UNC13B: variants seen among roughly 807,000 people sequenced by gnomAD.
UNC13B encodes the protein protein unc-13 homolog B.
A neutral mutation model predicts 211.0 loss-of-function variants in UNC13B; 144 were observed. The ratio of observed to expected loss-of-function variants is 0.68; its 90% confidence interval spans 0.60 to 0.78. UNC13B has a LOEUF of 0.78. Ranked by LOEUF, UNC13B falls within the 30% of genes least tolerant of loss-of-function variation. The probability of loss-of-function intolerance (pLI) is 0.00; values close to 1 mark genes in which losing one functional copy is unlikely to be tolerated. For missense variants in UNC13B, 1,777 were observed against 2,002.0 expected (o/e 0.89, Z 2.14); for synonymous variants, 709 against 725.8 (o/e 0.98, Z 0.37).
intron 1 of UNC13B, among the ~76,000 whole-genome samples, chr9:35,196,234 G>A (rs1388924863): frequency 6.6e-6 from 1 of 152,116 alleles, no homozygotes; most frequent in African/African-American, 2.4e-5. Context: ...TTTGGGAGGT[G>A]ATACACCTTT....
intron 11 of UNC13B, chr9:35,361,076 C>T (rs1281055060): frequency 6.6e-6 from 1 of 152,124 alleles, no homozygotes; most frequent in African/African-American, 2.4e-5. Flanking sequence ...AATGTAGGCT[C>T]AAATAAGTTG....
rs56323751 is a variant in UNC13B, at chr9:35,271,581, A to G, written c.526+12531A>G. 7.6e-3 allele frequency among the ~76,000 whole-genome samples: 1,156 copies of G among 152,348 alleles called. 11 individuals carry two copies. The highest frequency in any genetic ancestry group is 0.01 in the Non-Finnish European group (695 of 68,038). ...AAACTGGTCTGTTCCTTTTCCAAAC[A>G]TACCTAAAGTTTCTAAGGTATTTAC... is the stretch of plus-strand genomic sequence containing the variant. On this transcript the variant is annotated intron_variant, in intron 7 of 39. Transcript: ENST00000635942.
chr9:35,388,316 G>C (rs1199931530), intron 24 of UNC13B, among the ~76,000 whole-genome samples: 1 of 152,130 alleles, frequency 6.6e-6, no homozygotes, highest in Non-Finnish European at 1.5e-5. Flanking sequence ...GTTGAGGCAG[G>C]AGAATTGCTT....
chr9:35,183,996 A>G (rs1458994248), intron 1 of UNC13B, among the ~76,000 whole-genome samples: 4 of 143,202 alleles, frequency 2.8e-5, no homozygotes, highest in Admixed American at 2.1e-4. Flanking sequence ...CACCTCCCAG[A>G]CGGGGCAGCC....
intron 21 of UNC13B, among the ~76,000 whole-genome samples, chr9:35,383,694 T>G (rs1835001940): frequency 6.8e-6 from 1 of 147,824 alleles, no homozygotes; most frequent in African/African-American, 2.4e-5. Context: ...ATTTTAACAT[T>G]TAAAAAGTAT....
chr9:35,300,033 C>A (rs1829595087), intron 8 of UNC13B, 133 bp from the exon 9 acceptor site: 1 of 396,118 alleles, frequency 2.5e-6, no homozygotes, highest in African/African-American at 2.1e-5. Flanking sequence ...GAAATTAGAA[C>A]CCTTTCAAAA....
intron 17 of UNC13B, 115 bp from the exon 18 acceptor site, chr9:35,380,355 C>T (rs746559323): frequency 1.6e-5 from 13 of 806,218 alleles, no homozygotes; most frequent in Middle Eastern, 4.3e-4. Context: ...CCTCTGACTT[C>T]TCCTCTTTCA....
intron 24 of UNC13B, among the ~76,000 whole-genome samples, chr9:35,387,279 G>A (rs1309348403): frequency 1.3e-5 from 2 of 152,180 alleles, no homozygotes; most frequent in Non-Finnish European, 2.9e-5. Flanking sequence ...AACCAATGAT[G>A]GCAGGACAAC....
intron 1 of UNC13B, among the ~76,000 whole-genome samples, chr9:35,202,993 C>T (rs1823406230): frequency 6.6e-6 from 1 of 152,020 alleles, no homozygotes; most frequent in Non-Finnish European, 1.5e-5. Flanking sequence ...GGGTTTTCAC[C>T]ATGTTAGCCA....
At position 35,243,403 on chromosome 9, in the gene UNC13B, A is replaced by G; in HGVS notation, c.468+39A>G. The G allele has an allele frequency of 3.1e-6, 5 of 1,603,564 alleles. 1 individual carries two copies. The South Asian group carries it at 4.4e-5, about 14-fold the overall frequency. ...TATTTGCAGTATAGAGAGATGGGGG[A>G]AAATCTCCAATGCTCTTTATAGGTT... On this transcript the variant is annotated intron_variant, in intron 6 of 39. Transcript: ENST00000635942.
intron 37 of UNC13B, chr9:35,401,849 T>C: frequency 9.0e-7 from 1 of 1,115,088 alleles, no homozygotes; most frequent in East Asian, 2.6e-5. Context: ...AGAATATGTG[T>C]AGAGCTGCTT....
chr9:35,202,405 G>T (rs1823361420), intron 1 of UNC13B, among the ~76,000 whole-genome samples: 1 of 152,178 alleles, frequency 6.6e-6, no homozygotes, highest in Non-Finnish European at 1.5e-5. Flanking sequence ...GGATATCCTT[G>T]TTAACTTTCT....
At chr9:35,318,104 C>T (rs953916903) in intron 11 of UNC13B, among the ~76,000 whole-genome samples, 1 of 152,044 alleles carries the variant, frequency 6.6e-6, no homozygotes, top group African/African-American at 2.4e-5. Flanking sequence ...GTTGCCAAAG[C>T]TTGGAATCAT....
Position 35,308,214 on chromosome 9 carries a change from A to G in UNC13B, c.8810A>G (p.His2937Arg), listed in dbSNP as rs1830018085. ...CAGGAAATCTCAGCATCTGGAGAAC[A>G]CTGGGATACCAAAGCCAACCTGTCT... Reference protein sequence around the residue: ...NQQEISASGEHWDTKANLSSP... With the variant: ...NQQEISASGERWDTKANLSSP... Residue 2937 changes from histidine (H) to arginine (R), a missense_variant, in exon 9 of 40, where the codon CAC becomes CGC. Coordinates refer to ENST00000635942, the MANE Select transcript of UNC13B (RefSeq NM_001371189.2). 5.0e-6 allele frequency: 2 copies of G among 399,508 alleles called. No individual in the cohort carries two copies. The highest frequency in any genetic ancestry group is 8.8e-5 in the Admixed American group (2 of 22,714). The allele number at this position is 399,508 out of a possible 1,614,324, so 24.7% of individuals were successfully genotyped here. A position where few individuals can be genotyped will look rare whatever the true frequency, so the allele number is the denominator to read the frequency against.
intron 13 of UNC13B, 135 bp downstream of exon 13, chr9:35,370,531 C>T (rs1448932919): frequency 1.5e-5 from 12 of 775,110 alleles, no homozygotes; most frequent in Admixed American, 1.0e-4. Flanking sequence ...TTAAAGCCTT[C>T]GGAGACTTAG....
chr9:35,176,234 G>C (rs539466801), intron 1 of UNC13B, among the ~76,000 whole-genome samples: 12 of 151,682 alleles, frequency 7.9e-5, no homozygotes, highest in Admixed American at 7.2e-4. Flanking sequence ...GAGTGCAAAG[G>C]GTTCATTCAT....
intron 1 of UNC13B, among the ~76,000 whole-genome samples, chr9:35,191,396 A>T (rs7021856): frequency 2.0e-5 from 3 of 152,130 alleles, no homozygotes; most frequent in Non-Finnish European, 2.9e-5. Context: ...CACTGGGCAT[A>T]GGCTGAACCA....
chr9:35,398,489 G>A, intron 31 of UNC13B, 65 bp from the exon 32 acceptor site: 1 of 1,503,066 alleles, frequency 6.7e-7, no homozygotes, highest in Non-Finnish European at 9.2e-7. Context: ...GAAGTAGTAG[G>A]GGTGTGGCAG....
chr9:35,392,496 G>A lies in UNC13B; in HGVS notation c.11308+1782G>A, dbSNP rs1835595257. 2.6e-5 allele frequency among the ~76,000 whole-genome samples: 4 copies of A among 152,098 alleles called. No individual in the cohort carries two copies. The South Asian group carries it at 8.3e-4, about 32-fold the overall frequency. ...GTCAGAATATGGAGGGCAAGAGAAGGGGAGGAGTTTTGGGGGCCTGGATGA... is the reference window on the plus strand; with the variant it reads ...GTCAGAATATGGAGGGCAAGAGAAGAGGAGGAGTTTTGGGGGCCTGGATGA... On this transcript the variant is annotated intron_variant, in intron 26 of 39. Transcript: ENST00000635942.
Sources: gnomAD v4.1 joint callset for allele counts (sites outside exome capture counted in the v4.1 genomes callset) on GRCh38, gnomAD v4.1.1 for gene constraint, MANE v1.5 for transcripts, NCBI Gene and HGNC (gene_info 2026-07-23, HGNC 2026-07-21) for gene names.